The following FLNC variants were observed in gnomAD, a reference collection of about 807,000 sequenced individuals.
FLNC encodes filamin C, also known as filamin-C.
Under a neutral mutation model 254.3 loss-of-function variants are expected in FLNC, and 91 were observed. The observed-to-expected ratio is 0.36, with a 90% CI of 0.30 to 0.43. The LOEUF is 0.43. Among genes scored for constraint, FLNC ranks in the 20% least tolerant of loss-of-function variants. The probability of loss-of-function intolerance (pLI) is 1.00; values close to 1 mark genes in which losing one functional copy is unlikely to be tolerated. For missense variants in FLNC, 2,853 were observed against 3,802.6 expected, an observed-to-expected ratio of 0.75 and a Z score of 6.57; for synonymous variants, 1,430 against 1,577.2, an observed-to-expected ratio of 0.91 and a Z score of 2.21.
chr7:128,833,527 TGGACCACTTGCTGTCTGGCCCA>T (rs1807974189), intron 1 of FLNC, among the ~76,000 whole-genome samples: 1 of 152,120 alleles, frequency 6.6e-6, no homozygotes, highest in Admixed American at 6.5e-5. Context: ...GCCCCAAGCC[TGGACCACTTGCTGTCTGGCCCA>T]GGGCCAGTTG....
chr7:128,838,502 T>C, intron 7 of FLNC, 73 bp downstream of exon 7: 1 of 894,648 alleles, frequency 1.1e-6, no homozygotes, highest in South Asian at 1.3e-5. Context: ...GGGGGGAGGC[T>C]GGGACAGGGA....
At chr7:128,854,312 G>C in intron 40 of FLNC, 96 bp downstream of exon 40, 1 of 1,602,770 alleles carries the variant, frequency 6.2e-7, no homozygotes. Flanking sequence ...CCGAAGGCCA[G>C]GGCAGGTCTG....
In FLNC at chr7:128,841,240, G is replaced by T; in HGVS notation, c.1884G>T (p.Val628=). 6.2e-7 allele frequency: 1 copy of T among 1,614,122 alleles called. No individual in the cohort carries two copies. Among genetic ancestry groups the T allele is most frequent in the East Asian group, 2.2e-5 (1 of 44,882 alleles). The change falls in exon 12 of 48, where the codon GTG becomes GTT. Residue 628 remains valine (V), a synonymous_variant. Coordinates refer to ENST00000325888, the MANE Select transcript of FLNC (RefSeq NM_001458.5). The surrounding 1 kb of genome is among the most constrained non-coding windows in gnomAD (Gnocchi z 4.3). ...ACAAGGGGGATGGCTCCTGCGATGT[G>T]CGGTACTGGCCCACGGAGCCTGGGG... ...CDDKGDGSCD[V]RYWPTEPGEY...
chr7:128,847,562 A>G, intron 24 of FLNC, 135 bp from the exon 25 acceptor site: 1 of 966,958 alleles, frequency 1.0e-6, no homozygotes, highest in South Asian at 1.4e-5. Context: ...GCAAGTTCCT[A>G]GCCATTTTCC....
intron 8 of FLNC, 32 bp from the exon 9 acceptor site, chr7:128,839,991 C>A (rs1322756272): frequency 1.9e-6 from 3 of 1,607,654 alleles, no homozygotes; most frequent in East Asian, 4.5e-5. Context: ...GGCCCCTCAG[C>A]ACCCCCAACC....
Position 128,856,405 on chromosome 7 carries a change from G to C in FLNC, c.7252-113G>C. ...GCAGGCAGGGGCCAGGCTGGGCATG[G>C]GGTGGCAGCAGCCTTTGGGCTGGGC... is the stretch of plus-strand genomic sequence containing the variant. On this transcript the variant is annotated intron_variant, in intron 43 of 47. Coordinates refer to ENST00000325888, the MANE Select transcript of FLNC (RefSeq NM_001458.5). This position sits in a 1 kb window ranked among gnomAD's most constrained non-coding sequence, Gnocchi z 5.9. The C allele has an allele frequency of 7.1e-7, 1 of 1,402,700 alleles. No individual in the cohort carries two copies. Among genetic ancestry groups the C allele is most frequent in the Non-Finnish European group, 9.9e-7 (1 of 1,007,532 alleles). 86.9% of individuals were successfully genotyped at this position (1,402,700 alleles called of 1,614,324 possible).
Position 128,844,871 on chromosome 7 carries a change from G to A in FLNC, c.3406G>A (p.Ala1136Thr). 6.2e-7 allele frequency: 1 copy of A among 1,614,088 alleles called. No homozygotes were observed. Among genetic ancestry groups the A allele is most frequent in the Non-Finnish European group, 8.5e-7 (1 of 1,180,050 alleles). Reference sequence around the variant, plus strand: ...CGAGTACACCATCAACATCCTGTTTGCTGAGGCCCACATCCCTGGCTCGCC... The same window carrying A: ...CGAGTACACCATCAACATCCTGTTTACTGAGGCCCACATCCCTGGCTCGCC... ...PGEYTINILF[A>T]EAHIPGSPFK... The change falls in exon 21 of 48, where the codon GCT (alanine) becomes ACT (threonine). Residue 1136 changes from alanine (A) to threonine (T), a missense_variant. Coordinates refer to ENST00000325888, the MANE Select transcript of FLNC (RefSeq NM_001458.5).
chr7:128,835,563 A>G lies in FLNC; in HGVS notation c.590A>G (p.Asn197Ser), dbSNP rs1008787584. The G allele has an allele frequency of 1.2e-6, 2 of 1,613,146 alleles. No individual in the cohort carries two copies. Among genetic ancestry groups the G allele is most frequent in the Non-Finnish European group, 1.7e-6 (2 of 1,180,028 alleles). Reference protein sequence around the residue: ...DGKALGALVDNCAPGLCPDWE... With the variant: ...DGKALGALVDSCAPGLCPDWE... ...AAAGCTCTGGGCGCCCTGGTGGACA[A>G]CTGCGCCCCCGGTGAGTGGGCCAGT... is the stretch of plus-strand genomic sequence containing the variant. Residue 197 changes from asparagine to serine, a missense_variant, in exon 2 of 48, where the codon AAC becomes AGC. Around this residue, in one of 10 missense-constraint regions of FLNC, gnomAD observed 115 missense variants for 230.3 expected, o/e 0.50. Transcript: ENST00000325888. The surrounding 1 kb of genome is among the most constrained non-coding windows in gnomAD (Gnocchi z 5.3).
chr7:128,855,347 GCTAT>G (rs1809012508), intron 43 of FLNC, 33 bp downstream of exon 43: 1 of 1,384,932 alleles, frequency 7.2e-7, no homozygotes, highest in Non-Finnish European at 1.0e-6. Context: ...GAGGGTTTCT[GCTAT>G]CTGAGAGATG....
chr7:128,854,537 G>A lies in FLNC; in HGVS notation c.6852G>A (p.Gly2284=). 2.5e-6 allele frequency: 4 copies of A among 1,607,124 alleles called. No homozygotes were observed. Among genetic ancestry groups the A allele is most frequent in the Middle Eastern group, 1.7e-4 (1 of 5,988 alleles). The change falls in exon 41 of 48, where the codon GGG becomes GGA. Residue 2284 remains glycine, a synonymous_variant. Transcript: ENST00000325888. ...TGCGCTTTGTGCCCCAGGAAATGGG[G>A]CCCCATACGGTCGCTGTCAAGTACC... is the stretch of plus-strand genomic sequence containing the variant. ...YSVRFVPQEM[G]PHTVAVKYRG...
chr7:128,838,029 G>T lies in FLNC; in HGVS notation c.1012G>T (p.Val338Phe). 1 of 1,614,040 alleles carries T rather than the reference G, an allele frequency of 6.2e-7. No individual in the cohort carries two copies. Among genetic ancestry groups the T allele is most frequent in the Non-Finnish European group, 8.5e-7 (1 of 1,179,960 alleles). Residue 338 changes from valine to phenylalanine, a missense_variant, in exon 6 of 48, where the codon GTC (valine) becomes TTC (phenylalanine). Around this residue, in one of 10 missense-constraint regions of FLNC, gnomAD observed 1,573 missense variants for 1,883.5 expected, o/e 0.84. Transcript: ENST00000325888. ...CAATGACAAGGATCGCACCTATGCT[G>T]TCTCCTATGTGCCCAAGGTCGCTGG... The part of the protein sequence containing the change: ...PNNDKDRTYA[V>F]SYVPKVAGLH...
At position 128,856,773 on chromosome 7, in the gene FLNC, C is replaced by T. The variant is rs774524427; in HGVS notation, c.7413C>T (p.His2471=). Residue 2471 remains histidine, a synonymous_variant, in exon 45 of 48, where the codon CAC becomes CAT. Coordinates refer to ENST00000325888, the MANE Select transcript of FLNC (RefSeq NM_001458.5). This position sits in a 1 kb window ranked among gnomAD's most constrained non-coding sequence, Gnocchi z 5.9. ...AGCACACCATCCGCTTCATCCCCCA[C>T]GAGAATGGCGTCCACTCCATCGATG... is the stretch of plus-strand genomic sequence containing the variant. ...SDKHTIRFIP[H]ENGVHSIDVK... is the part of the protein sequence containing the mutation. The T allele has an allele frequency of 2.0e-5, 32 of 1,614,090 alleles. No individual in the cohort carries two copies. Among genetic ancestry groups the T allele is most frequent in the Middle Eastern group, 1.6e-4 (1 of 6,084 alleles).
In FLNC at chr7:128,842,807, C is replaced by T. The variant is rs369234137; in HGVS notation, c.2403C>T (p.Ile801=). ...GCTTCTCTGCAGGCGACGTGAGCAT[C>T]GGCATCAAGTGCGCCCCAGGCGTGG... ...CSEAGQGDVS[I]GIKCAPGVVG... The change falls in exon 16 of 48, where the codon ATC becomes ATT. Residue 801 remains isoleucine, a synonymous_variant. Transcript: ENST00000325888. The surrounding 1 kb of genome is among the most constrained non-coding windows in gnomAD (Gnocchi z 5.4). 1.8e-5 allele frequency: 29 copies of T among 1,613,614 alleles called. No homozygotes were observed. Among genetic ancestry groups the T allele is most frequent in the Middle Eastern group, 3.3e-4 (2 of 6,084 alleles).
chr7:128,855,144 TC>T (rs1455906977), intron 42 of FLNC, 54 bp from the exon 43 acceptor site: 2 of 1,305,118 alleles, frequency 1.5e-6, no homozygotes, highest in African/African-American at 2.9e-5. Flanking sequence ...GTGGGGAGGC[TC>T]CCGCCCTGCC....
chr7:128,843,408 G>C lies in FLNC; in HGVS notation c.2642G>C (p.Gly881Ala). The change falls in exon 18 of 48, where the codon GGT becomes GCT. Residue 881 changes from glycine to alanine, a missense_variant and splice_region_variant. Transcript: ENST00000325888. ...KAEGPGLNRT[G>A]VEVGKPTHFT... ...ACCACATCTCTGGGTGGGTCCTCAG[G>C]TGTGGAAGTCGGGAAGCCCACCCAC... 1 of 1,614,088 alleles carries C rather than the reference G, an allele frequency of 6.2e-7. No individual in the cohort carries two copies. Among genetic ancestry groups the C allele is most frequent in the East Asian group, 2.2e-5 (1 of 44,888 alleles).
intron 35 of FLNC, 129 bp downstream of exon 35, chr7:128,851,757 T>A (rs1350182271): frequency 1.1e-6 from 1 of 919,998 alleles, no homozygotes; most frequent in East Asian, 2.6e-5. Context: ...GTGTGAGGGG[T>A]CATATTTTGA....
chr7:128,853,556 C>T lies in FLNC; in HGVS notation c.6296C>T (p.Thr2099Ile). 1 of 1,614,002 alleles carries T rather than the reference C, an allele frequency of 6.2e-7. No individual in the cohort carries two copies. The highest frequency in any genetic ancestry group is 8.5e-7 in the Non-Finnish European group (1 of 1,180,016). The change falls in exon 38 of 48, where the codon ACC (threonine) becomes ATC (isoleucine). Residue 2099 changes from threonine (T) to isoleucine (I), a missense_variant. Thr to Ile is a moderately conservative substitution (Grantham distance 89). Transcript: ENST00000325888. ...ATGGAGGACGGGACATGCAAAGTCA[C>T]CTACTGCCCCACCGAGCCCGGCACC... ...EDMEDGTCKV[T>I]YCPTEPGTYI...
chr7:128,839,961 G>C (rs1266879475), intron 8 of FLNC, 62 bp from the exon 9 acceptor site: 14 of 1,594,352 alleles, frequency 8.8e-6, no homozygotes, highest in Non-Finnish European at 1.2e-5. Context: ...TGCACAGGGA[G>C]GTGGGGGCTA....
In FLNC at chr7:128,837,628, G is replaced by A. The variant is rs1808150745; in HGVS notation, c.851-9G>A. The A allele has an allele frequency of 6.2e-7, 1 of 1,612,484 alleles. No individual in the cohort carries two copies. Among genetic ancestry groups the A allele is most frequent in the African/African-American group, 1.3e-5 (1 of 74,946 alleles). On this transcript the variant is annotated splice_polypyrimidine_tract_variant and intron_variant, in intron 4 of 47. Coordinates refer to ENST00000325888, the MANE Select transcript of FLNC (RefSeq NM_001458.5). ...CCTGAGTAACCTGGGCTCTGCTCCT[G>A]CCCCGTAGGCATCGAGCCACAGGGC...
Sources: gnomAD v4.1 joint callset for allele counts (sites outside exome capture counted in the v4.1 genomes callset) on GRCh38, gnomAD v4.1.1 for gene constraint, gnomAD v4.1.1 regional missense constraint, Gnocchi (gnomAD v3.1) non-coding constraint, MANE v1.5 for transcripts, NCBI Gene and HGNC (gene_info 2026-07-23, HGNC 2026-07-21) for gene names.